The following FOXP2 variants were observed in gnomAD, a reference collection of about 807,000 sequenced individuals.
FOXP2 encodes the protein forkhead box P2.
In FOXP2, 12 loss-of-function variants were observed where a neutral mutation model predicts 115.8. The observed-to-expected ratio is 0.10, with a 90% confidence interval of 0.07 to 0.17. The LOEUF (loss-of-function observed/expected upper bound fraction) is 0.17, where lower values mean the gene tolerates loss of function less well. Among genes scored for constraint, FOXP2 ranks in the 10% least tolerant of loss-of-function variants. The pLI is 1.00. For synonymous variants in FOXP2, 328 were observed against 297.7 expected (o/e 1.10, Z -1.05); for missense variants, 629 against 843.5 (o/e 0.75, Z 3.15).
At chr7:114,588,460 T>A (rs1320662863) in intron 3 of FOXP2, among the ~76,000 whole-genome samples, 3 of 152,238 alleles carry the variant, frequency 2.0e-5, no homozygotes, top group Non-Finnish European at 4.4e-5. Flanking sequence ...ACACCTTTTA[T>A]AATTTTTATT....
chr7:114,517,567 A>G (rs1412001003), intron 2 of FOXP2, among the ~76,000 whole-genome samples: 1 of 152,116 alleles, frequency 6.6e-6, no homozygotes, highest in Non-Finnish European at 1.5e-5. Context: ...TCCCTGTACC[A>G]TTTATGAAGA....
At chr7:114,444,067 A>G (rs1279357268) in intron 2 of FOXP2, among the ~76,000 whole-genome samples, 1 of 152,118 alleles carries the variant, frequency 6.6e-6, no homozygotes, top group African/African-American at 2.4e-5. Context: ...TTTAAATCCT[A>G]AGCTAGAATG....
At chr7:114,570,365 TG>T (rs1440725578) in intron 3 of FOXP2, among the ~76,000 whole-genome samples, 1 of 151,932 alleles carries the variant, frequency 6.6e-6, no homozygotes, top group East Asian at 1.9e-4. Context: ...ACAGGATTTA[TG>T]TTCATTTGTA....
chr7:114,256,542 G>A (rs984813745), intron 1 of FOXP2, among the ~76,000 whole-genome samples: 8 of 152,026 alleles, frequency 5.3e-5, no homozygotes, highest in Admixed American at 3.3e-4. Flanking sequence ...CTTTTTAATC[G>A]GGTTGTTTGT....
At chr7:114,497,850 T>C (rs894397465) in intron 2 of FOXP2, among the ~76,000 whole-genome samples, 1 of 152,138 alleles carries the variant, frequency 6.6e-6, no homozygotes, top group Non-Finnish European at 1.5e-5. Flanking sequence ...CATCATTTCA[T>C]ATTATCCTAA....
chr7:114,659,483 G>T, intron 12 of FOXP2, 51 bp downstream of exon 12: 3 of 1,587,086 alleles, frequency 1.9e-6, no homozygotes, highest in Non-Finnish European at 2.6e-6. Context: ...ATTCATTAAT[G>T]CTTAAAGTAA....
chr7:114,190,304 C>T (rs984698295), intron 1 of FOXP2, among the ~76,000 whole-genome samples: 9 of 152,170 alleles, frequency 5.9e-5, no homozygotes, highest in African/African-American at 2.2e-4. Context: ...AGATGACCTT[C>T]ACCGTGGAGG....
At chr7:114,545,984 C>A (rs1362636279) in intron 3 of FOXP2, among the ~76,000 whole-genome samples, 1 of 152,160 alleles carries the variant, frequency 6.6e-6, no homozygotes, top group Non-Finnish European at 1.5e-5. Context: ...ATCATAATTA[C>A]TATAAGCTTC....
intron 6 of FOXP2, 132 bp from the exon 7 acceptor site, chr7:114,642,278 T>G (rs1805576732): frequency 2.7e-6 from 2 of 729,178 alleles, no homozygotes; most frequent in East Asian, 5.4e-5. Context: ...AAAAGTGATT[T>G]TTTGTTGTAT....
At chr7:114,515,561 G>A (rs1265960647) in intron 2 of FOXP2, among the ~76,000 whole-genome samples, 3 of 151,908 alleles carry the variant, frequency 2.0e-5, no homozygotes, top group Admixed American at 6.6e-5. Context: ...TTTTTGATGG[G>A]GTTGTTTGTT....
chr7:114,349,689 G>T (rs1791434217), intron 2 of FOXP2, among the ~76,000 whole-genome samples: 1 of 151,812 alleles, frequency 6.6e-6, no homozygotes, highest in African/African-American at 2.4e-5. Flanking sequence ...GTGTGTGTGT[G>T]TTCTGCCTTA....
At chr7:114,688,110 G>GT (rs60515489) in intron 16 of FOXP2, among the ~76,000 whole-genome samples, 298 of 138,462 alleles carry the variant, frequency 2.2e-3, no homozygotes, top group African/African-American at 4.9e-3. Context: ...AAACTTCAGG[G>GT]TTTTTTTTTT....
At chr7:114,332,959 G>T (rs1447484841) in intron 2 of FOXP2, among the ~76,000 whole-genome samples, 1 of 152,110 alleles carries the variant, frequency 6.6e-6, no homozygotes, top group Non-Finnish European at 1.5e-5. Context: ...GATCAGTGCA[G>T]GTTGGAAGAA....
Position 114,693,225 on chromosome 7 carries a change from G to C in FOXP2, c.*3299G>C. ...AACTGGGTTTTCTTTAGATAACTCAGATATGGAGAAAATGTCATCAGCATT... is the reference window on the plus strand; with the variant it reads ...AACTGGGTTTTCTTTAGATAACTCACATATGGAGAAAATGTCATCAGCATT... On this transcript the variant is annotated 3_prime_UTR_variant, in exon 17 of 17. Transcript: ENST00000350908. 2.2e-6 allele frequency: 1 copy of C among 450,214 alleles called. No individual in the cohort carries two copies. Among genetic ancestry groups the C allele is most frequent in the Non-Finnish European group, 4.5e-6 (1 of 224,420 alleles). The allele number at this position is 450,214 out of a possible 1,614,324, so 27.9% of individuals were successfully genotyped here.
At chr7:114,519,028 A>G (rs1178606805) in intron 2 of FOXP2, among the ~76,000 whole-genome samples, 1 of 152,132 alleles carries the variant, frequency 6.6e-6, no homozygotes, top group South Asian at 2.1e-4. Flanking sequence ...CACAGCAACT[A>G]TTTATTTCAC....
At chr7:114,435,795 T>C (rs1420911391) in intron 2 of FOXP2, among the ~76,000 whole-genome samples, 1 of 152,188 alleles carries the variant, frequency 6.6e-6, no homozygotes, top group African/African-American at 2.4e-5. Flanking sequence ...CACCTTGGCC[T>C]CCCAAAGTTC....
In FOXP2 at chr7:114,426,477, ATTGATACTTCTTAATCACTTTTAG is replaced by A; in HGVS notation, c.-10-24_-10-1del. ...AAGTGTGAAGGTGTAACGTGTGTTA[ATTGATACTTCTTAATCACTTTTAG>A]GTATTAAGTCATGATGCAGGAATCT... On this transcript the variant is annotated splice_acceptor_variant and splice_polypyrimidine_tract_variant and intron_variant, in intron 1 of 16. Transcript: ENST00000350908. LOFTEE classifies it low-confidence loss of function (5UTR_SPLICE). The A allele has an allele frequency of 1.9e-6, 3 of 1,607,304 alleles. No individual in the cohort carries two copies. The highest frequency in any genetic ancestry group is 2.6e-6 in the Non-Finnish European group (3 of 1,175,124).
At chr7:114,477,153 T>C (rs969751412) in intron 2 of FOXP2, among the ~76,000 whole-genome samples, 20 of 151,982 alleles carry the variant, frequency 1.3e-4, no homozygotes, top group African/African-American at 4.8e-4. Context: ...AATTAATTAC[T>C]GGATGTATAC....
intron 2 of FOXP2, among the ~76,000 whole-genome samples, chr7:114,330,490 A>G (rs1405271887): frequency 2.7e-5 from 4 of 149,430 alleles, no homozygotes; most frequent in African/African-American, 9.8e-5. Flanking sequence ...GTTTATATAT[A>G]TATATATGTG....
Sources: allele counts gnomAD v4.1 joint callset (sites outside exome capture counted in the v4.1 genomes callset), GRCh38; gene constraint gnomAD v4.1.1; transcripts MANE v1.5; gene names NCBI Gene and HGNC (gene_info 2026-07-23, HGNC 2026-07-21).